Variants in IGSF10 observed in about 807,000 individuals in gnomAD.
IGSF10 encodes immunoglobulin superfamily member 10, also known as calvaria mechanical force protein 608.
A neutral mutation model predicts 128.2 loss-of-function variants in IGSF10; 126 were observed. That is an observed-to-expected ratio of 0.98 (90% CI 0.85 to 1.14). The LOEUF (loss-of-function observed/expected upper bound fraction) is 1.14, where lower values mean the gene tolerates loss of function less well. IGSF10 is among the 50% of genes most tolerant of loss of function. The pLI, the probability that IGSF10 is intolerant of heterozygous loss-of-function variation, is 0.00. For missense variants in IGSF10, 3,295 were observed against 3,149.8 expected, an observed-to-expected ratio of 1.05 and a Z score of -1.10; for synonymous variants, 1,185 against 1,146.2, an observed-to-expected ratio of 1.03 and a Z score of -0.68.
At chr3:151,499,455 T>G in the IGSF10 span, among the ~76,000 whole-genome samples, 1 of 152,254 alleles carries the variant, frequency 6.6e-6, no homozygotes. Flanking sequence ...CAATTCTCAG[T>G]AAATGGCAAC....
chr3:151,525,279 T>G, the IGSF10 span, among the ~76,000 whole-genome samples: 2 of 152,102 alleles, frequency 1.3e-5, no homozygotes, highest in East Asian at 3.9e-4. Context: ...GAAGTACAAT[T>G]AAGGCTATAT....
At chr3:151,475,536 T>G in the IGSF10 span, among the ~76,000 whole-genome samples, 1 of 152,238 alleles carries the variant, frequency 6.6e-6, no homozygotes, top group African/African-American at 2.4e-5. Flanking sequence ...GCAGTTATAC[T>G]TCAACCACTC....
At chr3:151,476,511 GGGTATCTTCCGGCCAGAGGA>G in the IGSF10 span, among the ~76,000 whole-genome samples, 26 of 152,190 alleles carry the variant, frequency 1.7e-4, no homozygotes, top group South Asian at 6.2e-4. Flanking sequence ...CGATCTTCAG[GGGTATCTTCCGGCCAGAGGA>G]GGTATCTTCC....
In IGSF10 at chr3:151,448,616, A is replaced by C. The variant is rs753277307; in HGVS notation, c.1365T>G (p.Asp455Glu). The part of the protein sequence containing the change: ...FSTLQIQYSS[D>E]AQITLPRAEM... ...CTGCTCTTGGTAAAGTGATTTGAGC[A>C]TCACTGGAGTACTGGATCTGTAATG... The change falls in exon 6 of 8, where the codon GAT (aspartate) becomes GAG (glutamate). Residue 455 changes from aspartate (D) to glutamate (E), a missense_variant. Transcript: ENST00000282466. 6 of 1,614,124 alleles carry C rather than the reference A, an allele frequency of 3.7e-6. No individual in the cohort carries two copies. In the East Asian group the frequency reaches 1.3e-4, roughly 36 times the overall value.
At chr3:151,556,557 A>G in the IGSF10 span, among the ~76,000 whole-genome samples, 403 of 152,298 alleles carry the variant, frequency 2.6e-3, 2 homozygotes, top group African/African-American at 9.2e-3. Context: ...TTAAAGAAAT[A>G]CAGTAGAAGG....
In IGSF10 at chr3:151,437,461, G is replaced by C; in HGVS notation, c.7100C>G (p.Pro2367Arg). The change falls in exon 8 of 8, where the codon CCT becomes CGT. Residue 2367 changes from proline to arginine, a missense_variant. Coordinates refer to ENST00000282466, the MANE Select transcript of IGSF10 (RefSeq NM_178822.5). The part of the protein sequence containing the change: ...LNCSVDGNPP[P>R]EIIWILPNGT... ...ATTTGGTAAAATCCAGATTATTTCA[G>C]GTGGTGGGTTACCATCAACAGAGCA... 6.2e-7 allele frequency: 1 copy of C among 1,614,184 alleles called. No homozygotes were observed. The highest frequency in any genetic ancestry group is 8.5e-7 in the Non-Finnish European group (1 of 1,180,038).
Position 151,448,392 on chromosome 3 carries a change from A to G in IGSF10, c.1589T>C (p.Ile530Thr). ...GAGTTCCAATTTTCCACTTTTGTCT[A>G]TTAGGATCCGTCCATCCTCACTGAC... is the stretch of plus-strand genomic sequence containing the variant. ...PYVSEDGRILIDKSGKLELQM... is the reference protein window; with the variant it reads ...PYVSEDGRILTDKSGKLELQM... The change falls in exon 6 of 8, where the codon ATA (isoleucine) becomes ACA (threonine). Residue 530 changes from isoleucine to threonine, a missense_variant. Ile to Thr is a moderately conservative substitution (Grantham distance 89). Transcript: ENST00000282466. The G allele has an allele frequency of 6.2e-7, 1 of 1,614,198 alleles. No homozygotes were observed. Among genetic ancestry groups the G allele is most frequent in the Non-Finnish European group, 8.5e-7 (1 of 1,180,036 alleles).
Position 151,449,088 on chromosome 3 carries a change from T to C in IGSF10, c.893A>G (p.Asp298Gly). The C allele has an allele frequency of 6.2e-7, 1 of 1,614,196 alleles. No individual in the cohort carries two copies. Residue 298 changes from aspartate (D) to glycine (G), a missense_variant, in exon 6 of 8, where the codon GAC (aspartate) becomes GGC (glycine). Asp to Gly is a moderately conservative substitution (Grantham distance 94). Coordinates refer to ENST00000282466, the MANE Select transcript of IGSF10 (RefSeq NM_178822.5). Reference sequence around the variant, plus strand: ...GGGAGAGATGAAAGCAGAACTACTGTCTTCCAGAATAGTCAGGCTCTTTGA... The same window carrying C: ...GGGAGAGATGAAAGCAGAACTACTGCCTTCCAGAATAGTCAGGCTCTTTGA... ...LKSKSLTILE[D>G]SSSAFISPQG...
the IGSF10 span, among the ~76,000 whole-genome samples, chr3:151,596,178 T>C: frequency 5.9e-5 from 9 of 152,216 alleles, no homozygotes; most frequent in Non-Finnish European, 1.2e-4. Context: ...ATTAGATTGC[T>C]ACTGTCACTA....
the IGSF10 span, among the ~76,000 whole-genome samples, chr3:151,602,121 C>G: frequency 1.3e-5 from 2 of 151,764 alleles, no homozygotes; most frequent in Admixed American, 6.6e-5. Flanking sequence ...CTGTGATAGT[C>G]TCTGCTAAGG....
chr3:151,548,186 A>C, the IGSF10 span, among the ~76,000 whole-genome samples: 2 of 152,176 alleles, frequency 1.3e-5, no homozygotes, highest in Non-Finnish European at 2.9e-5. Flanking sequence ...TTGTTTGCGG[A>C]ACCCTAAGTG....
Position 151,437,741 on chromosome 3 carries a change from T to G in IGSF10, c.6820A>C (p.Ile2274Leu), listed in dbSNP as rs1720482859. ...GTGAGGAAAATATTGTCTGGCATGA[T>G]CCACATGACTTCAGGAGATGGTGTC... ...EGTPSPEVMW[I>L]MPDNIFLTAP... Residue 2274 changes from isoleucine (I) to leucine (L), a missense_variant, in exon 8 of 8, where the codon ATC (isoleucine) becomes CTC (leucine). Transcript: ENST00000282466. The G allele has an allele frequency of 6.2e-7, 1 of 1,614,072 alleles. No homozygotes were observed. The highest frequency in any genetic ancestry group is 8.5e-7 in the Non-Finnish European group (1 of 1,179,996).
chr3:151,557,155 A>G, the IGSF10 span, among the ~76,000 whole-genome samples: 2 of 152,196 alleles, frequency 1.3e-5, no homozygotes, highest in Non-Finnish European at 1.5e-5. Flanking sequence ...AAAGCTATAC[A>G]TATTTATTAT....
chr3:151,530,561 C>T, the IGSF10 span, among the ~76,000 whole-genome samples: 1 of 152,148 alleles, frequency 6.6e-6, no homozygotes, highest in African/African-American at 2.4e-5. Flanking sequence ...GGGCAATATT[C>T]AACGTTCTTA....
chr3:151,568,834 G>T, the IGSF10 span, among the ~76,000 whole-genome samples: 1 of 152,142 alleles, frequency 6.6e-6, no homozygotes, highest in Non-Finnish European at 1.5e-5. Context: ...AGGTGTATTT[G>T]TCAGAGTGTG....
At chr3:151,569,100 C>G in the IGSF10 span, among the ~76,000 whole-genome samples, 6 of 152,316 alleles carry the variant, frequency 3.9e-5, no homozygotes, top group African/African-American at 1.4e-4. Flanking sequence ...GAGACCGAAT[C>G]TTGCTCTGTT....
Position 151,448,046 on chromosome 3 carries a change from A to T in IGSF10, c.1935T>A (p.Cys645Ter). The T allele has an allele frequency of 6.2e-7, 1 of 1,614,180 alleles. No homozygotes were observed. Among genetic ancestry groups the T allele is most frequent in the Non-Finnish European group, 8.5e-7 (1 of 1,180,036 alleles). Reference protein sequence around the residue: ...VTPKDQGYYRCVAANPSGVDF... With the variant: ...VTPKDQGYYR ...CAACCCCTGATGGGTTGGCTGCCAC[A>T]CAGCGATAATAACCTTGGTCTTTCG... Residue 645 changes from cysteine to a stop codon, truncating the protein, a stop_gained, in exon 6 of 8, where the codon TGT becomes TGA. Transcript: ENST00000282466. LOFTEE classifies it high-confidence loss of function.
the IGSF10 span, among the ~76,000 whole-genome samples, chr3:151,601,703 A>G: frequency 3.5e-5 from 4 of 114,408 alleles, no homozygotes; most frequent in South Asian, 1.1e-3. Context: ...CTTTCTGTCA[A>G]TAAGTTGTTG....
rs1469676362 is a variant in IGSF10 at position 151,437,611 on chromosome 3, T to C, written c.6950A>G (p.Asn2317Ser). 1.2e-6 allele frequency: 2 copies of C among 1,614,070 alleles called. No homozygotes were observed. The change falls in exon 8 of 8, where the codon AAT (asparagine) becomes AGT (serine). Residue 2317 changes from asparagine (N) to serine (S), a missense_variant. Transcript: ENST00000282466. The stretch of plus-strand genomic sequence containing the variant: ...TACCAACACGCTCTCTCCACCTTCA[T>C]TTCGGGCCACACAGATAAAGTCGGC... ...DSADFICVAR[N>S]EGGESVLVVQ...
Sources: allele counts gnomAD v4.1 joint callset (sites outside exome capture counted in the v4.1 genomes callset), GRCh38; gene constraint gnomAD v4.1.1; transcripts MANE v1.5; gene names NCBI Gene and HGNC (gene_info 2026-07-23, HGNC 2026-07-21).